EPHA6: variants seen among roughly 807,000 people sequenced by gnomAD.
EPHA6 encodes ephrin type-A receptor 6.
A neutral mutation model predicts 112.0 loss-of-function variants in EPHA6; 50 were observed. That is an observed-to-expected ratio of 0.45 (90% CI 0.36 to 0.56). The LOEUF (loss-of-function observed/expected upper bound fraction) is 0.56. Ranked by LOEUF, EPHA6 falls within the 20% of genes least tolerant of loss-of-function variation. The probability of loss-of-function intolerance (pLI) is 0.00; values close to 1 mark genes in which losing one functional copy is unlikely to be tolerated. For missense variants in EPHA6, 1,280 were observed against 1,417.4 expected, an observed-to-expected ratio of 0.90 and a Z score of 1.56; for synonymous variants, 529 against 490.7, an observed-to-expected ratio of 1.08 and a Z score of -1.03.
chr3:97,694,760 A>G (rs1031067824), intron 14 of EPHA6, among the ~76,000 whole-genome samples: 6 of 152,224 alleles, frequency 3.9e-5, no homozygotes, highest in Non-Finnish European at 7.3e-5. Context: ...GATATCAAAC[A>G]TTTACTCAGG....
At chr3:97,121,200 C>T (rs936935581) in intron 3 of EPHA6, among the ~76,000 whole-genome samples, 1 of 151,900 alleles carries the variant, frequency 6.6e-6, no homozygotes, top group Non-Finnish European at 1.5e-5. Context: ...GATCGGAATC[C>T]TTTAGAGAAT....
In EPHA6 at chr3:97,392,596, T is replaced by G. The variant is rs144691969; in HGVS notation, c.1607-12554T>G. Among the ~76,000 whole-genome samples, 9 of 151,934 alleles carry G rather than the reference T, an allele frequency of 5.9e-5. No homozygotes were observed. The East Asian group carries it at 1.7e-3, about 29-fold the overall frequency. The stretch of plus-strand genomic sequence containing the variant: ...GCCTATATATACATACTTTTTAAAA[T>G]GTATTAATTTCTTCTGTTTCTAAAC... On this transcript the variant is annotated intron_variant, in intron 5 of 17. Transcript: ENST00000389672.
intron 2 of EPHA6, among the ~76,000 whole-genome samples, chr3:96,975,451 T>G (rs1022518496): frequency 6.6e-6 from 1 of 152,186 alleles, no homozygotes; most frequent in East Asian, 1.9e-4. Flanking sequence ...CACTGGGTAA[T>G]TGATTTTATT....
intron 3 of EPHA6, among the ~76,000 whole-genome samples, chr3:96,992,614 T>G (rs2043256573): frequency 6.6e-6 from 1 of 152,142 alleles, no homozygotes; most frequent in African/African-American, 2.4e-5. Context: ...ATTCTAGTTT[T>G]TTTTTTCTTT....
intron 1 of EPHA6, among the ~76,000 whole-genome samples, chr3:96,851,193 C>A (rs1026070923): frequency 5.3e-5 from 8 of 152,070 alleles, no homozygotes; most frequent in Non-Finnish European, 1.2e-4. Context: ...GTTTCCTAAT[C>A]TTTCCAGGGT....
chr3:97,641,678 C>G (rs867580557), intron 14 of EPHA6, among the ~76,000 whole-genome samples: 1 of 152,186 alleles, frequency 6.6e-6, no homozygotes, highest in African/African-American at 2.4e-5. Context: ...AAAGGGGTGA[C>G]GGACGCACCT....
chr3:97,086,093 C>A (rs1377221940), intron 3 of EPHA6, among the ~76,000 whole-genome samples: 8 of 151,508 alleles, frequency 5.3e-5, no homozygotes, highest in Non-Finnish European at 1.0e-4. Context: ...GGCCACTGTA[C>A]CCATCTAATT....
intron 1 of EPHA6, among the ~76,000 whole-genome samples, chr3:96,859,568 A>C (rs575641571): frequency 2.5e-4 from 38 of 151,934 alleles, no homozygotes; most frequent in African/African-American, 8.9e-4. Context: ...TTTAATTTTT[A>C]ATTTGTAGAG....
intron 14 of EPHA6, among the ~76,000 whole-genome samples, chr3:97,717,931 T>C (rs1380836545): frequency 1.3e-5 from 2 of 152,208 alleles, no homozygotes; most frequent in Non-Finnish European, 2.9e-5. Context: ...AAAATAACCA[T>C]TAACTCTGCT....
At chr3:97,617,950 C>T (rs1016029709) in intron 13 of EPHA6, among the ~76,000 whole-genome samples, 1 of 152,064 alleles carries the variant, frequency 6.6e-6, no homozygotes, top group Admixed American at 6.6e-5. Flanking sequence ...ATCTAAAGAC[C>T]TCTCCACTCC....
intron 3 of EPHA6, among the ~76,000 whole-genome samples, chr3:97,039,629 A>G (rs1364527158): frequency 2.0e-5 from 3 of 151,978 alleles, no homozygotes; most frequent in Non-Finnish European, 4.4e-5. Flanking sequence ...AATTTGGGGC[A>G]TTTTACTTTT....
At position 96,997,503 on chromosome 3, in the gene EPHA6, T is replaced by C. The variant is rs186195397; in HGVS notation, c.1114+9510T>C. On this transcript the variant is annotated intron_variant, in intron 3 of 17. Transcript: ENST00000389672. Reference sequence around the variant, plus strand: ...AGGGTTATTGGCTTAATTTCAATATTGCCGTGTCTCAGAGACCCAAGGAGA... The same window carrying C: ...AGGGTTATTGGCTTAATTTCAATATCGCCGTGTCTCAGAGACCCAAGGAGA... Among the ~76,000 whole-genome samples, 684 of 152,080 alleles carry C rather than the reference T, an allele frequency of 4.5e-3. 6 individuals are homozygous for C. The highest frequency in any genetic ancestry group is 6.9e-3 in the Non-Finnish European group (469 of 67,952).
chr3:97,606,905 T>G (rs1475839888), intron 12 of EPHA6, among the ~76,000 whole-genome samples: 1 of 151,068 alleles, frequency 6.6e-6, no homozygotes, highest in East Asian at 1.9e-4. Context: ...ATACAGGCAC[T>G]CTAACTGTAT....
intron 2 of EPHA6, among the ~76,000 whole-genome samples, chr3:96,914,377 C>A (rs1163362707): frequency 6.6e-6 from 1 of 151,930 alleles, no homozygotes; most frequent in Non-Finnish European, 1.5e-5. Context: ...TTTTAGACAA[C>A]CGTTAGTAAA....
At chr3:97,336,854 G>A (rs2083080982) in intron 5 of EPHA6, among the ~76,000 whole-genome samples, 1 of 151,598 alleles carries the variant, frequency 6.6e-6, no homozygotes, top group Admixed American at 6.6e-5. Flanking sequence ...TCACACATTT[G>A]AGAGGAAAGG....
chr3:97,519,045 A>T (rs1437753547), intron 10 of EPHA6, among the ~76,000 whole-genome samples: 1 of 152,042 alleles, frequency 6.6e-6, no homozygotes, highest in Non-Finnish European at 1.5e-5. Flanking sequence ...TGTGCGTTTA[A>T]GTACTAAGCC....
At chr3:96,828,454 T>C (rs1404804587) in intron 1 of EPHA6, among the ~76,000 whole-genome samples, 1 of 152,028 alleles carries the variant, frequency 6.6e-6, no homozygotes, top group Non-Finnish European at 1.5e-5. Flanking sequence ...GTATGAGAGG[T>C]GGTGTTTAGA....
intron 14 of EPHA6, among the ~76,000 whole-genome samples, chr3:97,677,948 G>A (rs141605039): frequency 1.3e-4 from 20 of 152,160 alleles, no homozygotes; most frequent in South Asian, 1.0e-3. Context: ...ACATTAATTC[G>A]TATTAATGTT....
intron 10 of EPHA6, among the ~76,000 whole-genome samples, chr3:97,524,681 C>T (rs1294126239): frequency 6.6e-6 from 1 of 152,068 alleles, no homozygotes; most frequent in Admixed American, 6.6e-5. Flanking sequence ...TGGATTTCCT[C>T]AGCTTTTGTT....
Sources: allele counts gnomAD v4.1 joint callset (sites outside exome capture counted in the v4.1 genomes callset), GRCh38; gene constraint gnomAD v4.1.1; transcripts MANE v1.5; gene names NCBI Gene and HGNC (gene_info 2026-07-23, HGNC 2026-07-21).